Variants in PARP8 observed in about 807,000 individuals in gnomAD.
PARP8 encodes the protein poly(ADP-ribose) polymerase family member 8, also known as protein mono-ADP-ribosyltransferase PARP8.
Under a neutral mutation model 124.1 loss-of-function variants are expected in PARP8, and 51 were observed. The observed-to-expected ratio is 0.41, with a 90% CI of 0.33 to 0.52. PARP8 has a LOEUF of 0.52. PARP8 is among the 20% of genes least tolerant of loss of function. PARP8 has a pLI of 0.21. For missense variants in PARP8, 860 were observed against 1,018.9 expected (o/e 0.84, Z 2.12); for synonymous variants, 391 against 361.5 (o/e 1.08, Z -0.93).
intron 9 of PARP8, among the ~76,000 whole-genome samples, chr5:50,783,128 G>A (rs1288189864): frequency 6.6e-6 from 1 of 151,868 alleles, no homozygotes; most frequent in Non-Finnish European, 1.5e-5. Flanking sequence ...GCCCACACAA[G>A]ACAGAGAGGA....
chr5:50,826,807 AGTT>A lies in PARP8; in HGVS notation c.1977+8_1977+10del, dbSNP rs1746400295. On this transcript the variant is annotated splice_donor_5th_base_variant and intron_variant, in intron 19 of 25. Coordinates refer to ENST00000281631, the MANE Select transcript of PARP8 (RefSeq NM_024615.4). ...TGTGAAACTGCCAGTTAACAGGGTA[AGTT>A]GTTTTTTTTTTTTTTACATATGCAT... 1.3e-6 allele frequency: 2 copies of A among 1,576,248 alleles called. No individual in the cohort carries two copies. Among genetic ancestry groups the A allele is most frequent in the Non-Finnish European group, 1.7e-6 (2 of 1,170,232 alleles).
chr5:50,746,899 C>G lies in PARP8; in HGVS notation c.147-3252C>G, dbSNP rs544570454. On this transcript the variant is annotated intron_variant, in intron 2 of 25. Transcript: ENST00000281631. ...AATAAATTAGCTGTATGTGGTGGTGCAAATCTGTAGTCCAATCTACCCAGG... is the reference window on the plus strand; with the variant it reads ...AATAAATTAGCTGTATGTGGTGGTGGAAATCTGTAGTCCAATCTACCCAGG... Among the ~76,000 whole-genome samples the G allele has an allele frequency of 3.9e-5, 6 of 152,124 alleles. No individual in the cohort carries two copies. The South Asian group carries it at 1.0e-3, about 26-fold the overall frequency.
At chr5:50,818,240 CT>C (rs1174467046) in intron 15 of PARP8, among the ~76,000 whole-genome samples, 2 of 103,236 alleles carry the variant, frequency 1.9e-5, no homozygotes, top group African/African-American at 7.8e-5. Flanking sequence ...TCTTTCTTTT[CT>C]TCCCCCTCGA....
In PARP8 at chr5:50,754,116, CATATATATAT is replaced by C. The variant is rs373375463; in HGVS notation, c.184+3954_184+3963del. ...GAAGGAATTTGAGTTTGAAAACATT[CATATATATAT>C]ATATATATATATATATATATATATA... On this transcript the variant is annotated intron_variant, in intron 3 of 25. Coordinates refer to ENST00000281631, the MANE Select transcript of PARP8 (RefSeq NM_024615.4). Among the ~76,000 whole-genome samples the C allele has an allele frequency of 7.2e-3, 467 of 64,730 alleles. 26 individuals are homozygous for C. The highest frequency in any genetic ancestry group is 9.8e-3 in the Non-Finnish European group (392 of 39,926). The allele number at this position is 64,730 out of a possible 152,430, so 42.5% of individuals were successfully genotyped here. A position where few individuals can be genotyped will look rare whatever the true frequency, so the allele number is the denominator to read the frequency against.
At position 50,713,140 on chromosome 5, in the gene PARP8, A is replaced by G. The variant is rs1208021499; in HGVS notation, c.147-37011A>G. 2.6e-5 allele frequency among the ~76,000 whole-genome samples: 4 copies of G among 152,086 alleles called. No homozygotes were observed. The East Asian group carries it at 5.8e-4, about 22-fold the overall frequency. ...TATAAAATGGCTGTGAGAGTCATCT[A>G]TATGTTATAGATCTGTGGTGATGTT... On this transcript the variant is annotated intron_variant, in intron 2 of 25. Coordinates refer to ENST00000281631, the MANE Select transcript of PARP8 (RefSeq NM_024615.4).
intron 9 of PARP8, among the ~76,000 whole-genome samples, chr5:50,783,162 G>C (rs1465632264): frequency 1.3e-5 from 2 of 151,812 alleles, no homozygotes; most frequent in Non-Finnish European, 2.9e-5. Flanking sequence ...GAGAGATAAG[G>C]GAATAGGAGG....
chr5:50,842,144 T>C lies in PARP8; in HGVS notation c.*76T>C. The C allele has an allele frequency of 1.0e-6, 1 of 972,682 alleles. No individual in the cohort carries two copies. The highest frequency in any genetic ancestry group is 1.5e-6 in the Non-Finnish European group (1 of 649,504). The allele number at this position is 972,682 out of a possible 1,614,324, so 60.3% of individuals were successfully genotyped here. On this transcript the variant is annotated 3_prime_UTR_variant, in exon 26 of 26. Coordinates refer to ENST00000281631, the MANE Select transcript of PARP8 (RefSeq NM_024615.4). ...CTGGATTTTGAACTGAAGAAGATTA[T>C]AAAATTATTTATTGTTATTATAAAC...
intron 2 of PARP8, among the ~76,000 whole-genome samples, chr5:50,721,082 G>GT (rs79339701): frequency 0.034 from 4,630 of 136,946 alleles, 203 homozygotes; most frequent in African/African-American, 0.11. Context: ...TAAAATAATT[G>GT]TTTTTTTTTT....
intron 14 of PARP8, among the ~76,000 whole-genome samples, chr5:50,807,804 C>T (rs142959454): frequency 2.0e-5 from 3 of 152,136 alleles, no homozygotes; most frequent in African/African-American, 7.2e-5. Context: ...TTCTCATTTC[C>T]CACATCAACA....
intron 7 of PARP8, among the ~76,000 whole-genome samples, chr5:50,777,677 C>T (rs1371661534): frequency 2.0e-5 from 3 of 152,082 alleles, no homozygotes; most frequent in Non-Finnish European, 4.4e-5. Context: ...TGTGTGTCTT[C>T]CCTATACTCC....
chr5:50,800,015 C>G (rs1743021887), intron 14 of PARP8, among the ~76,000 whole-genome samples: 1 of 152,212 alleles, frequency 6.6e-6, no homozygotes, highest in Non-Finnish European at 1.5e-5. Context: ...TCGATTACAG[C>G]AGCCGGAATA....
At chr5:50,741,115 C>T (rs1396247535) in intron 2 of PARP8, among the ~76,000 whole-genome samples, 4 of 152,134 alleles carry the variant, frequency 2.6e-5, no homozygotes, top group Admixed American at 1.3e-4. Context: ...AAGGTAAAAA[C>T]ATCTACATGT....
chr5:50,826,814 T>C lies in PARP8; in HGVS notation c.1977+11T>C. On this transcript the variant is annotated intron_variant, in intron 19 of 25. Transcript: ENST00000281631. ...CTGCCAGTTAACAGGGTAAGTTGTT[T>C]TTTTTTTTTTTACATATGCATACAG... 1 of 1,506,172 alleles carries C rather than the reference T, an allele frequency of 6.6e-7. No individual in the cohort carries two copies. The highest frequency in any genetic ancestry group is 9.0e-7 in the Non-Finnish European group (1 of 1,113,180). 93.3% of individuals were successfully genotyped at this position (1,506,172 alleles called of 1,614,324 possible).
intron 7 of PARP8, among the ~76,000 whole-genome samples, chr5:50,777,144 A>G (rs1341401834): frequency 2.0e-5 from 3 of 152,204 alleles, no homozygotes; most frequent in Admixed American, 1.3e-4. Context: ...TAGAGTGATG[A>G]TTGATAAGTT....
At chr5:50,757,251 T>C in intron 3 of PARP8, 1 of 439,146 alleles carries the variant, frequency 2.3e-6, no homozygotes, top group South Asian at 1.6e-5. Flanking sequence ...CCTAGAGACC[T>C]ATCAAGACTG....
chr5:50,840,050 A>G (rs1469214401), intron 25 of PARP8, among the ~76,000 whole-genome samples: 3 of 151,880 alleles, frequency 2.0e-5, no homozygotes, highest in Non-Finnish European at 4.4e-5. Flanking sequence ...GATGATGGGG[A>G]TAAGTGTAGA....
At chr5:50,746,128 A>G (rs1283228501) in intron 2 of PARP8, among the ~76,000 whole-genome samples, 1 of 152,186 alleles carries the variant, frequency 6.6e-6, no homozygotes, top group East Asian at 1.9e-4. Context: ...AATATTAGCT[A>G]TCAGAGTATA....
At chr5:50,704,721 T>C (rs1753956137) in intron 2 of PARP8, among the ~76,000 whole-genome samples, 1 of 152,190 alleles carries the variant, frequency 6.6e-6, no homozygotes. Flanking sequence ...TGTATGGGAC[T>C]AAATAAGGTA....
In PARP8 at chr5:50,667,081, C is replaced by A; in HGVS notation, c.-15C>A. 1 of 1,596,014 alleles carries A rather than the reference C, an allele frequency of 6.3e-7. No homozygotes were observed. Among genetic ancestry groups the A allele is most frequent in the Non-Finnish European group, 8.5e-7 (1 of 1,179,648 alleles). On this transcript the variant is annotated 5_prime_UTR_variant, in exon 1 of 26. Coordinates refer to ENST00000281631, the MANE Select transcript of PARP8 (RefSeq NM_024615.4). ...GGTGGAAATAGCGGCTGCTTCTTTT[C>A]CAGGGATTTATTTAATGGGGATGTG...
Sources: allele counts gnomAD v4.1 joint callset (sites outside exome capture counted in the v4.1 genomes callset), GRCh38; gene constraint gnomAD v4.1.1; transcripts MANE v1.5; gene names NCBI Gene and HGNC (gene_info 2026-07-23, HGNC 2026-07-21).